Variants in NUBPL observed in about 807,000 individuals in gnomAD.
NUBPL encodes the protein iron-sulfur cluster transfer protein NUBPL.
Under a neutral mutation model 45.7 loss-of-function variants are expected in NUBPL, and 31 were observed. The ratio of observed to expected loss-of-function variants is 0.68; its 90% CI spans 0.51 to 0.92. The LOEUF is 0.92. Ranked by LOEUF, NUBPL falls within the 40% of genes least tolerant of loss-of-function variation. The probability of loss-of-function intolerance (pLI) is 0.00; values close to 1 mark genes in which losing one functional copy is unlikely to be tolerated. For synonymous variants in NUBPL, 144 were observed against 140.9 expected (o/e 1.02, Z -0.15); for missense variants, 401 against 398.7 (o/e 1.01, Z -0.05).
At chr14:31,711,054 C>T (rs2037559242) in intron 6 of NUBPL, among the ~76,000 whole-genome samples, 1 of 152,202 alleles carries the variant, frequency 6.6e-6, no homozygotes, top group Non-Finnish European at 1.5e-5. Flanking sequence ...GTTTGTCTGA[C>T]AGGCATTAGG....
chr14:31,739,671 C>T (rs979088591), intron 6 of NUBPL, among the ~76,000 whole-genome samples: 4 of 152,070 alleles, frequency 2.6e-5, no homozygotes, highest in Non-Finnish European at 5.9e-5. Flanking sequence ...ATCTTTATCA[C>T]CCTGAATCTG....
chr14:31,639,344 C>T (rs1459540998), intron 4 of NUBPL, among the ~76,000 whole-genome samples: 3 of 152,288 alleles, frequency 2.0e-5, no homozygotes, highest in African/African-American at 7.2e-5. Flanking sequence ...TGCTAGAGGT[C>T]CACTCCAGAC....
chr14:31,626,164 ATTTTATTTTTTTATTTTG>A (rs1217799605), intron 4 of NUBPL, among the ~76,000 whole-genome samples: 1 of 151,456 alleles, frequency 6.6e-6, no homozygotes, highest in African/African-American at 2.4e-5. Flanking sequence ...ATTTTATTTT[ATTTTATTTTTTTATTTTG>A]TTTTTTGCTC....
intron 6 of NUBPL, among the ~76,000 whole-genome samples, chr14:31,779,512 G>A (rs2039155148): frequency 6.6e-6 from 1 of 152,074 alleles, no homozygotes; most frequent in Admixed American, 6.5e-5. Context: ...TCTGAGACAA[G>A]GGGTCATAGT....
At chr14:31,604,179 G>GAAAAAATAAAAAAAAAA (rs2034521361) in intron 4 of NUBPL, among the ~76,000 whole-genome samples, 1 of 121,968 alleles carries the variant, frequency 8.2e-6, no homozygotes, top group Non-Finnish European at 1.7e-5. Flanking sequence ...TGGAAAGGCT[G>GAAAAAATAAAAAAAAAA]AAAAAAAAAA....
chr14:31,803,791 G>A (rs925128543), intron 7 of NUBPL, among the ~76,000 whole-genome samples: 1 of 152,050 alleles, frequency 6.6e-6, no homozygotes, highest in African/African-American at 2.4e-5. Flanking sequence ...TGCATTCCAG[G>A]GTTTCATCTT....
chr14:31,638,387 T>TCCTTC (rs2035573097), intron 4 of NUBPL, among the ~76,000 whole-genome samples: 1 of 151,790 alleles, frequency 6.6e-6, no homozygotes, highest in Non-Finnish European at 1.5e-5. Flanking sequence ...GGTTGAAAAT[T>TCCTTC]CTTTTCTTTA....
At chr14:31,624,650 C>T (rs750700311) in intron 4 of NUBPL, among the ~76,000 whole-genome samples, 31 of 152,068 alleles carry the variant, frequency 2.0e-4, no homozygotes, top group Non-Finnish European at 1.9e-4. Context: ...CTGCAACCTC[C>T]GCCTCCTGAG....
In NUBPL at chr14:31,769,661, T is replaced by TA. The variant is rs1566552182; in HGVS notation, c.514-18119_514-18118insA. 1.4e-3 allele frequency among the ~76,000 whole-genome samples: 216 copies of TA among 150,338 alleles called. 2 individuals carry two copies. The highest frequency in any genetic ancestry group is 5.1e-3 in the African/African-American group (204 of 39,872). On this transcript the variant is annotated intron_variant, in intron 6 of 10. Transcript: ENST00000281081. ...ATATAAGGTAACCCTCTCCTTTTTT[T>TA]TAAAAAAAAAAGCTTCTTTGTTATT...
At chr14:31,741,901 G>A (rs957137510) in intron 6 of NUBPL, among the ~76,000 whole-genome samples, 1 of 151,954 alleles carries the variant, frequency 6.6e-6, no homozygotes, top group Non-Finnish European at 1.5e-5. Context: ...TACCTGTTAG[G>A]ACAGAGTTGC....
intron 7 of NUBPL, among the ~76,000 whole-genome samples, chr14:31,793,398 C>T (rs896916445): frequency 1.3e-5 from 2 of 152,158 alleles, no homozygotes; most frequent in African/African-American, 4.8e-5. Context: ...CCCAAACCCG[C>T]ATTTAGGAAT....
rs2040689900 is a variant in NUBPL at position 31,860,145 on chromosome 14, A to C, written c.*965A>C. ...TGGTGAAACCCCGTCTCTACTAAAA[A>C]TACAAAAATTAGCTGGGTGTGGTGG... On this transcript the variant is annotated 3_prime_UTR_variant, in exon 11 of 11. Transcript: ENST00000281081. The C allele has an allele frequency of 6.6e-6, 1 of 152,050 alleles. No homozygotes were observed. 9.4% of individuals were successfully genotyped at this position (152,050 alleles called of 1,614,324 possible).
intron 4 of NUBPL, among the ~76,000 whole-genome samples, chr14:31,644,012 A>T (rs963681344): frequency 1.3e-4 from 19 of 151,400 alleles, no homozygotes; most frequent in Non-Finnish European, 2.2e-4. Flanking sequence ...TTCTGATTTT[A>T]TTTTTTTTGG....
intron 4 of NUBPL, among the ~76,000 whole-genome samples, chr14:31,652,741 G>A (rs1200036316): frequency 1.3e-5 from 2 of 152,016 alleles, no homozygotes; most frequent in Non-Finnish European, 2.9e-5. Context: ...GTTTTCCTTT[G>A]TACCAAAGAC....
intron 6 of NUBPL, among the ~76,000 whole-genome samples, chr14:31,731,521 AT>A (rs2038047871): frequency 6.6e-6 from 1 of 152,180 alleles, no homozygotes; most frequent in African/African-American, 2.4e-5. Context: ...CATTTTTTCC[AT>A]TTAACCATTT....
chr14:31,686,880 C>T (rs2036964729), intron 6 of NUBPL: 1 of 152,220 alleles, frequency 6.6e-6, no homozygotes, highest in Admixed American at 6.5e-5. Context: ...CTTTGGAAGA[C>T]CAAGGTAGGA....
At chr14:31,799,795 G>T (rs573709502) in intron 7 of NUBPL, among the ~76,000 whole-genome samples, 2 of 152,286 alleles carry the variant, frequency 1.3e-5, no homozygotes, top group East Asian at 3.9e-4. Flanking sequence ...AGTTGCTGAC[G>T]GTTGGAGTGG....
chr14:31,565,469 T>C (rs1040842582), intron 3 of NUBPL, among the ~76,000 whole-genome samples: 1 of 152,214 alleles, frequency 6.6e-6, no homozygotes, highest in African/African-American at 2.4e-5. Context: ...CATTCCTTTC[T>C]GTTCCAGAGA....
At chr14:31,848,894 A>G (rs2040494893) in intron 9 of NUBPL, among the ~76,000 whole-genome samples, 1 of 152,208 alleles carries the variant, frequency 6.6e-6, no homozygotes, top group African/African-American at 2.4e-5. Flanking sequence ...CTTTACTAGA[A>G]TGACAGTTCA....
Sources: allele counts gnomAD v4.1 joint callset (sites outside exome capture counted in the v4.1 genomes callset), GRCh38; gene constraint gnomAD v4.1.1; transcripts MANE v1.5; gene names NCBI Gene and HGNC (gene_info 2026-07-23, HGNC 2026-07-21).